RGS12: variants seen among roughly 807,000 people sequenced by gnomAD.
RGS12 encodes the protein regulator of G protein signaling 12.
Under a neutral mutation model 120.1 loss-of-function variants are expected in RGS12, and 66 were observed. The ratio of observed to expected loss-of-function variants is 0.55; its 90% CI spans 0.45 to 0.67. The LOEUF (loss-of-function observed/expected upper bound fraction) is 0.67, where lower values mean the gene tolerates loss of function less well. Among genes scored for constraint, RGS12 ranks in the 30% least tolerant of loss-of-function variants. The pLI is 0.00. For missense variants in RGS12, 1,859 were observed against 1,957.7 expected (o/e 0.95, Z 0.95); for synonymous variants, 827 against 804.7 (o/e 1.03, Z -0.47).
intron 1 of RGS12, among the ~76,000 whole-genome samples, chr4:3,302,509 G>A (rs1364875362): frequency 2.0e-5 from 3 of 152,248 alleles, no homozygotes; most frequent in Admixed American, 6.5e-5. Flanking sequence ...CGGGCAGGTG[G>A]GGCCTGCTGT....
intron 3 of RGS12, 200 bp from the exon 4 acceptor site, chr4:3,386,216 G>A (rs1718836064): frequency 1.6e-6 from 1 of 610,292 alleles, no homozygotes. Context: ...CTCTTGTTGG[G>A]TGTCACCTAG....
In RGS12 at chr4:3,380,182, G is replaced by T. The variant is rs1578874248; in HGVS notation, c.1999-6234G>T. 2.6e-5 allele frequency among the ~76,000 whole-genome samples: 4 copies of T among 152,258 alleles called. 1 individual carries two copies. In the East Asian group the frequency reaches 7.7e-4, roughly 29 times the overall value. On this transcript the variant is annotated intron_variant, in intron 3 of 17. Transcript: ENST00000336727. ...CCATGCAAGTCCAAAATGCAATAGGGCAGTCATTAAACCAAAATGATCTCC... is the reference window on the plus strand; with the variant it reads ...CCATGCAAGTCCAAAATGCAATAGGTCAGTCATTAAACCAAAATGATCTCC...
intron 4 of RGS12, among the ~76,000 whole-genome samples, chr4:3,394,898 G>A (rs1719894076): frequency 6.6e-6 from 1 of 152,150 alleles, no homozygotes; most frequent in Admixed American, 6.5e-5. Context: ...ACTGGGCACA[G>A]TGGTTCACAT....
upstream of RGS12, among the ~76,000 whole-genome samples, chr4:3,290,572 TC>T (rs1722984607): frequency 6.6e-6 from 1 of 152,228 alleles, no homozygotes; most frequent in South Asian, 2.1e-4. Context: ...ACACCCCGAG[TC>T]CCGTGGAAGA....
chr4:3,377,073 G>A (rs1412742720), intron 3 of RGS12, among the ~76,000 whole-genome samples: 1 of 150,646 alleles, frequency 6.6e-6, no homozygotes, highest in African/African-American at 2.4e-5. Flanking sequence ...GTGCAGTGGT[G>A]TGATCACGGC....
chr4:3,391,625 A>G (rs16844266), intron 4 of RGS12, among the ~76,000 whole-genome samples: 2,450 of 152,316 alleles, frequency 0.016, 66 homozygotes, highest in African/African-American at 0.05. Flanking sequence ...GAAAAGATAA[A>G]ACAAACGAAG....
intron 1 of RGS12, among the ~76,000 whole-genome samples, chr4:3,307,309 C>T (rs116504546): frequency 0.025 from 3,734 of 152,314 alleles, 158 homozygotes; most frequent in African/African-American, 0.084. Flanking sequence ...GGACAGGCCA[C>T]GCTGCGGCAG....
At chr4:3,387,462 G>A (rs1718976218) in intron 4 of RGS12, among the ~76,000 whole-genome samples, 1 of 152,230 alleles carries the variant, frequency 6.6e-6, no homozygotes. Context: ...ACAGAGCTCA[G>A]AGCCCTTGTG....
Position 3,384,277 on chromosome 4 carries a change from C to G in RGS12, c.1999-2139C>G, listed in dbSNP as rs887540819. Among the ~76,000 whole-genome samples, 2 of 152,158 alleles carry G rather than the reference C, an allele frequency of 1.3e-5. 1 individual carries two copies. Among genetic ancestry groups the G allele is most frequent in the Non-Finnish European group, 2.9e-5 (2 of 68,030 alleles). The stretch of plus-strand genomic sequence containing the variant: ...TCAAGCGATTCTCCTGCCTCAGCCT[C>G]CCGAGTAGCTGGGATTATAGGCATC... On this transcript the variant is annotated intron_variant, in intron 3 of 17. Transcript: ENST00000336727.
At position 3,402,627 on chromosome 4, in the gene RGS12, A is replaced by ATTGGGTGGCGTCCTCTGCG. The variant is rs199880824; in HGVS notation, c.2021-11417_2021-11399dup. ...GCATTTGGGGCCCCTGGGCTTCTGC[A>ATTGGGTGGCGTCCTCTGCG]TTGGGTGGCGTCCTCTGCGTTGGGT... On this transcript the variant is annotated intron_variant, in intron 4 of 17. Transcript: ENST00000336727. Among the ~76,000 whole-genome samples, 85 of 152,016 alleles carry ATTGGGTGGCGTCCTCTGCG rather than the reference A, an allele frequency of 5.6e-4. 2 individuals carry two copies. The South Asian group carries it at 0.012, about 21-fold the overall frequency.
chr4:3,293,953 G>A (rs1399248122), intron 1 of RGS12, among the ~76,000 whole-genome samples: 4 of 151,854 alleles, frequency 2.6e-5, no homozygotes, highest in Admixed American at 2.6e-4. Context: ...ACAGAGAAGG[G>A]GCCCAGAGCC....
intron 14 of RGS12, among the ~76,000 whole-genome samples, chr4:3,427,099 G>C (rs1360569552): frequency 6.6e-6 from 1 of 152,206 alleles, no homozygotes; most frequent in Non-Finnish European, 1.5e-5. Flanking sequence ...TCACAGAGCA[G>C]AGACCCTTCC....
At chr4:3,399,687 C>T (rs985351202) in intron 4 of RGS12, among the ~76,000 whole-genome samples, 4 of 152,158 alleles carry the variant, frequency 2.6e-5, no homozygotes, top group African/African-American at 9.7e-5. Context: ...ATTTGGAAGT[C>T]AAAGATCAAA....
At chr4:3,416,808 C>A in intron 7 of RGS12, 105 bp from the exon 8 acceptor site, 1 of 1,015,276 alleles carries the variant, frequency 9.8e-7, no homozygotes. Context: ...GATGTCCTTT[C>A]AGGACAGGGC....
chr4:3,367,566 A>G (rs1716447183), intron 3 of RGS12, among the ~76,000 whole-genome samples: 2 of 152,240 alleles, frequency 1.3e-5, no homozygotes, highest in Non-Finnish European at 2.9e-5. Flanking sequence ...GGGGCCCAGA[A>G]TCTTCTGGGG....
intron 17 of RGS12, among the ~76,000 whole-genome samples, chr4:3,438,420 A>T (rs1725022300): frequency 7.1e-6 from 1 of 141,536 alleles, no homozygotes; most frequent in African/African-American, 2.5e-5. Context: ...CACCGTACAG[A>T]TGGGGGGGTG....
At chr4:3,349,978 T>C (rs2749778) in intron 3 of RGS12, among the ~76,000 whole-genome samples, 106,744 of 152,162 alleles carry the variant, frequency 0.7, 39,292 homozygotes, top group African/African-American at 0.93. Context: ...TCTACGTTTA[T>C]GTACTTTATT....
intron 2 of RGS12, among the ~76,000 whole-genome samples, chr4:3,325,614 A>G (rs928295808): frequency 6.6e-6 from 1 of 152,210 alleles, no homozygotes; most frequent in Non-Finnish European, 1.5e-5. Flanking sequence ...TACCAAACCT[A>G]TGAAGAACTA....
chr4:3,364,572 G>A (rs990948213), intron 3 of RGS12, among the ~76,000 whole-genome samples: 2 of 152,054 alleles, frequency 1.3e-5, no homozygotes, highest in East Asian at 3.9e-4. Flanking sequence ...CCCCGGAAAC[G>A]AGGCCAGGTG....
Sources: allele counts gnomAD v4.1 joint callset (sites outside exome capture counted in the v4.1 genomes callset), GRCh38; gene constraint gnomAD v4.1.1; transcripts MANE v1.5; gene names NCBI Gene and HGNC (gene_info 2026-07-23, HGNC 2026-07-21).